Variants in ITPR1 observed in about 807,000 individuals in gnomAD.
ITPR1 encodes the protein inositol 1,4,5-trisphosphate receptor type 1, also known as inositol 1,4,5-trisphosphate-gated calcium channel ITPR1.
ITPR1 carries 96 observed loss-of-function variants against 318.4 expected under a neutral mutation model. The ratio of observed to expected loss-of-function variants is 0.30; its 90% confidence interval spans 0.26 to 0.36. The LOEUF is 0.36. Ranked by LOEUF, ITPR1 falls within the 10% of genes least tolerant of loss-of-function variation. The pLI is 1.00. For missense variants in ITPR1, 2,440 were observed against 3,460.2 expected (o/e 0.71, Z 7.40); for synonymous variants, 1,312 against 1,289.9 (o/e 1.02, Z -0.37).
At chr3:4,613,904 A>G (rs899493001) in intron 4 of ITPR1, among the ~76,000 whole-genome samples, 1 of 152,244 alleles carries the variant, frequency 6.6e-6, no homozygotes, top group African/African-American at 2.4e-5. Context: ...CCACACTCAG[A>G]TTGAGATAGA....
chr3:4,675,783 T>G (rs2094172255), intron 23 of ITPR1, among the ~76,000 whole-genome samples: 1 of 152,242 alleles, frequency 6.6e-6, no homozygotes, highest in Non-Finnish European at 1.5e-5. Context: ...ATTGGTATCA[T>G]GTATCAATTA....
At chr3:4,814,599 G>A (rs763649360) in intron 58 of ITPR1, 37 bp downstream of exon 58, 2 of 1,277,288 alleles carry the variant, frequency 1.6e-6, no homozygotes, top group East Asian at 2.7e-5. Flanking sequence ...GGCAAAGGGG[G>A]CGGGTGGGGT....
intron 4 of ITPR1, among the ~76,000 whole-genome samples, chr3:4,616,876 T>G (rs1327395238): frequency 6.6e-6 from 1 of 152,138 alleles, no homozygotes; most frequent in Admixed American, 6.5e-5. Flanking sequence ...TGCATCATGG[T>G]GGGGTCTTGT....
intron 2 of ITPR1, among the ~76,000 whole-genome samples, chr3:4,506,480 G>T (rs538064653): frequency 6.6e-6 from 1 of 152,108 alleles, no homozygotes; most frequent in East Asian, 1.9e-4. Context: ...AAATTGCATT[G>T]TCACTTAATC....
At chr3:4,769,559 A>G (rs761873550) in intron 46 of ITPR1, among the ~76,000 whole-genome samples, 3 of 152,220 alleles carry the variant, frequency 2.0e-5, no homozygotes, top group Non-Finnish European at 4.4e-5. Flanking sequence ...TGCTGAACTG[A>G]TTATTCCAGA....
intron 18 of ITPR1, among the ~76,000 whole-genome samples, chr3:4,668,212 C>CT (rs1455291596): frequency 4.9e-5 from 7 of 141,696 alleles, no homozygotes; most frequent in African/African-American, 2.0e-4. Context: ...TTCGTTCTTT[C>CT]TATTTTTTTT....
intron 4 of ITPR1, among the ~76,000 whole-genome samples, chr3:4,545,388 C>G (rs184406054): frequency 1.5e-3 from 235 of 151,974 alleles, no homozygotes; most frequent in African/African-American, 5.3e-3. Context: ...TTTGGGAGGC[C>G]AAGATGTGAG....
At position 4,766,511 on chromosome 3, in the gene ITPR1, T is replaced by A. The variant is rs2045829917; in HGVS notation, c.5545-19T>A. Reference sequence around the variant, plus strand: ...CTGGTCAGTTACAGTGTTCACAATCTATGGATTTTCCTTTGCAGCACTCCT... The same window carrying A: ...CTGGTCAGTTACAGTGTTCACAATCAATGGATTTTCCTTTGCAGCACTCCT... On this transcript the variant is annotated intron_variant, in intron 44 of 61. Coordinates refer to ENST00000649015, the MANE Select transcript of ITPR1 (RefSeq NM_001378452.1). 1 of 1,611,670 alleles carries A rather than the reference T, an allele frequency of 6.2e-7. No homozygotes were observed. The highest frequency in any genetic ancestry group is 1.3e-5 in the African/African-American group (1 of 74,994).
At chr3:4,829,948 A>G (rs748834594) in intron 60 of ITPR1, among the ~76,000 whole-genome samples, 1 of 120,980 alleles carries the variant, frequency 8.3e-6, no homozygotes, top group Non-Finnish European at 1.8e-5. Context: ...TAAAACATGT[A>G]TAACAGTTTT....
At chr3:4,695,060 A>G (rs1460097333) in intron 33 of ITPR1, among the ~76,000 whole-genome samples, 1 of 152,254 alleles carries the variant, frequency 6.6e-6, no homozygotes, top group African/African-American at 2.4e-5. Flanking sequence ...TCATAAAAAG[A>G]TGCCAGATGT....
At chr3:4,603,452 C>G (rs997890868) in intron 4 of ITPR1, among the ~76,000 whole-genome samples, 4 of 151,944 alleles carry the variant, frequency 2.6e-5, no homozygotes, top group Non-Finnish European at 4.4e-5. Context: ...GTTTTTGAGA[C>G]AGAGTCTCCT....
chr3:4,626,608 GT>G (rs1344458626), intron 4 of ITPR1, among the ~76,000 whole-genome samples: 93 of 152,260 alleles, frequency 6.1e-4, no homozygotes, highest in African/African-American at 2.0e-3. Flanking sequence ...TTTTATGAAT[GT>G]TGGTTATACC....
chr3:4,763,675 T>G (rs950456489), intron 44 of ITPR1, among the ~76,000 whole-genome samples: 15 of 152,260 alleles, frequency 9.9e-5, no homozygotes, highest in Non-Finnish European at 1.6e-4. Context: ...GACTGAGGAC[T>G]GGAATCAGTA....
intron 40 of ITPR1, among the ~76,000 whole-genome samples, chr3:4,723,134 C>A (rs2042280407): frequency 6.6e-6 from 1 of 152,152 alleles, no homozygotes; most frequent in Non-Finnish European, 1.5e-5. Context: ...GGAGACAGAG[C>A]AAGACTCCAT....
At chr3:4,787,877 C>A in intron 51 of ITPR1, 70 bp from the exon 52 acceptor site, 1 of 1,078,638 alleles carries the variant, frequency 9.3e-7, no homozygotes, top group Non-Finnish European at 1.4e-6. Flanking sequence ...GAGTCTACCA[C>A]CAGTAGCAAA....
intron 47 of ITPR1, among the ~76,000 whole-genome samples, chr3:4,776,595 C>T (rs756030555): frequency 6.6e-6 from 1 of 152,178 alleles, no homozygotes; most frequent in Non-Finnish European, 1.5e-5. Flanking sequence ...TTGTGAGATG[C>T]ACTTTCTTCT....
chr3:4,639,860 A>G (rs904792763), intron 6 of ITPR1, among the ~76,000 whole-genome samples: 4 of 152,202 alleles, frequency 2.6e-5, no homozygotes, highest in Admixed American at 6.5e-5. Flanking sequence ...TGCTCCCAGG[A>G]GGTAATAAGA....
At position 4,587,271 on chromosome 3, in the gene ITPR1, G is replaced by GTTT. The variant is rs34690762; in HGVS notation, c.164-40474_164-40472dup. 9.2e-4 allele frequency among the ~76,000 whole-genome samples: 109 copies of GTTT among 118,904 alleles called. 2 individuals carry two copies. Among genetic ancestry groups the GTTT allele is most frequent in the African/African-American group, 3.0e-3 (89 of 29,948 alleles). The allele number at this position is 118,904 out of a possible 152,430, so 78.0% of individuals were successfully genotyped here. A position where few individuals can be genotyped will look rare whatever the true frequency, so the allele number is the denominator to read the frequency against. Reference sequence around the variant, plus strand: ...ATGCTGCTGGTTCACACTTCTCATGGTTTTTTTTTTTTTTTTTTTTGAGTC... The same window carrying GTTT: ...ATGCTGCTGGTTCACACTTCTCATGGTTTTTTTTTTTTTTTTTTTTTTTGAGTC... On this transcript the variant is annotated intron_variant, in intron 4 of 61. Transcript: ENST00000649015.
At chr3:4,821,336 C>A (rs79490604) in intron 60 of ITPR1, among the ~76,000 whole-genome samples, 3,389 of 152,322 alleles carry the variant, frequency 0.022, 135 homozygotes, top group African/African-American at 0.077. Context: ...CTCCTGGAGA[C>A]TTGTGGAATG....
Sources: allele counts gnomAD v4.1 joint callset (sites outside exome capture counted in the v4.1 genomes callset), GRCh38; gene constraint gnomAD v4.1.1; transcripts MANE v1.5; gene names NCBI Gene and HGNC (gene_info 2026-07-23, HGNC 2026-07-21).